TJP1: variants seen among roughly 807,000 people sequenced by gnomAD.
The protein encoded by TJP1 is tight junction protein ZO-1.
TJP1 carries 43 observed loss-of-function variants against 194.2 expected under a neutral mutation model. The observed-to-expected ratio is 0.22, with a 90% CI of 0.17 to 0.29. The LOEUF (loss-of-function observed/expected upper bound fraction) is 0.29. Ranked by LOEUF, TJP1 falls within the 10% of genes least tolerant of loss-of-function variation. The pLI is 1.00. For missense variants in TJP1, 1,971 were observed against 2,185.7 expected (o/e 0.90, Z 1.96); for synonymous variants, 801 against 779.0 (o/e 1.03, Z -0.47).
chr15:29,935,021 A>G (rs979787107), intron 2 of TJP1, among the ~76,000 whole-genome samples: 1 of 152,228 alleles, frequency 6.6e-6, no homozygotes, highest in African/African-American at 2.4e-5. Flanking sequence ...TCTCTCTCAA[A>G]TATCTGGAGA....
At chr15:29,841,628 T>G (rs1170961096) in intron 2 of TJP1, among the ~76,000 whole-genome samples, 2 of 152,082 alleles carry the variant, frequency 1.3e-5, no homozygotes, top group African/African-American at 4.8e-5. Context: ...GTTTCTCAAC[T>G]TGCCAGTCAG....
At chr15:29,962,265 G>A (rs28491369) in intron 1 of TJP1, among the ~76,000 whole-genome samples, 2,485 of 152,188 alleles carry the variant, frequency 0.016, 66 homozygotes, top group African/African-American at 0.057. Flanking sequence ...ATGTTCCCAG[G>A]AAGCCTCAGA....
intron 2 of TJP1, among the ~76,000 whole-genome samples, chr15:29,949,281 CCACCGCCAT>C: frequency 9.4e-6 from 1 of 106,362 alleles, no homozygotes; most frequent in Non-Finnish European, 1.9e-5. Context: ...TCCATCACCT[CCACCGCCAT>C]CACCTCCACC....
rs1381058255 is a variant in TJP1, at chr15:29,855,573, T to C, written c.307-54871A>G. On this transcript the variant is annotated intron_variant, in intron 2 of 28. Coordinates refer to the TJP1 transcript ENST00000356107. ...GAAAGAAAAGATTTATTAACACTTA[T>C]AGCCAGGTGTGGTGGCTCACACCTG... 2.0e-5 allele frequency among the ~76,000 whole-genome samples: 3 copies of C among 152,128 alleles called. No individual in the cohort carries two copies. In the East Asian group the frequency reaches 5.8e-4, roughly 29 times the overall value.
At chr15:29,952,010 C>T (rs2055766922) in intron 2 of TJP1, among the ~76,000 whole-genome samples, 1 of 152,164 alleles carries the variant, frequency 6.6e-6, no homozygotes, top group Non-Finnish European at 1.5e-5. Context: ...ATCACTTAAA[C>T]TTCTTTGACT....
At chr15:29,887,010 C>T (rs1308965131) in intron 2 of TJP1, among the ~76,000 whole-genome samples, 1 of 151,692 alleles carries the variant, frequency 6.6e-6, no homozygotes, top group African/African-American at 2.4e-5. Flanking sequence ...AGCCGTGTGG[C>T]ACAGACAGAA....
intron 8 of TJP1, among the ~76,000 whole-genome samples, chr15:29,757,543 T>G (rs1267080073): frequency 6.6e-6 from 1 of 152,208 alleles, no homozygotes; most frequent in Non-Finnish European, 1.5e-5. Flanking sequence ...TGCTCTAAAT[T>G]AAAACTCCAC....
chr15:29,744,317 A>G lies in TJP1; in HGVS notation c.1011-1536T>C, dbSNP rs570587312. ...ATTTGAAGGCAAAATGGAAATTATC[A>G]AAACAAAAAATGTAACTAGGTCATA... On this transcript the variant is annotated intron_variant, in intron 8 of 27. Transcript: ENST00000614355. Among the ~76,000 whole-genome samples the G allele has an allele frequency of 5.3e-5, 8 of 152,348 alleles. No homozygotes were observed. In the East Asian group the frequency reaches 1.5e-3, roughly 29 times the overall value.
intron 2 of TJP1, among the ~76,000 whole-genome samples, chr15:29,936,166 T>A (rs2054875503): frequency 6.6e-6 from 1 of 152,048 alleles, no homozygotes; most frequent in South Asian, 2.1e-4. Context: ...GTCCCATCCC[T>A]ACAGCACCAG....
chr15:29,806,900 A>T (rs1360060808), intron 1 of TJP1, among the ~76,000 whole-genome samples: 1 of 152,218 alleles, frequency 6.6e-6, no homozygotes, highest in Non-Finnish European at 1.5e-5. Flanking sequence ...AGTAAAAAAG[A>T]TCACTCTAAA....
intron 2 of TJP1, among the ~76,000 whole-genome samples, chr15:29,913,134 A>T (rs1361899828): frequency 1.3e-5 from 2 of 152,114 alleles, no homozygotes; most frequent in Non-Finnish European, 2.9e-5. Context: ...AACTCACAGC[A>T]GGTGTGGAGA....
intron 1 of TJP1, 58 bp downstream of exon 1, chr15:29,821,944 G>A: frequency 7.5e-6 from 9 of 1,206,652 alleles, no homozygotes; most frequent in East Asian, 3.4e-5. Flanking sequence ...GCCAGATGCC[G>A]GTGGGCGGGC....
intron 24 of TJP1, among the ~76,000 whole-genome samples, chr15:29,709,463 A>T (rs1189106943): frequency 6.6e-6 from 1 of 152,262 alleles, no homozygotes; most frequent in Non-Finnish European, 1.5e-5. Context: ...TAAAAAGTGG[A>T]ACCACAGGAT....
chr15:29,754,640 C>T (rs182285338), intron 8 of TJP1, among the ~76,000 whole-genome samples: 5 of 152,190 alleles, frequency 3.3e-5, no homozygotes, highest in South Asian at 2.1e-4. Flanking sequence ...GGCAAAGTTG[C>T]ACAGGTTAAG....
intron 9 of TJP1, 53 bp downstream of exon 9, chr15:29,742,589 T>C: frequency 6.8e-7 from 1 of 1,470,394 alleles, no homozygotes; most frequent in Non-Finnish European, 9.0e-7. Flanking sequence ...TCCTAACAAT[T>C]ACTTCACTCT....
chr15:29,867,281 T>A (rs974180068), intron 2 of TJP1, among the ~76,000 whole-genome samples: 2 of 152,208 alleles, frequency 1.3e-5, no homozygotes, highest in Non-Finnish European at 2.9e-5. Context: ...TGGCACTTTA[T>A]GAGCAAGAAA....
intron 22 of TJP1, among the ~76,000 whole-genome samples, chr15:29,717,490 A>G (rs139469256): frequency 5.3e-5 from 8 of 150,582 alleles, no homozygotes; most frequent in African/African-American, 2.0e-4. Context: ...GAGGAGCAGC[A>G]GGCCAGGTTT....
intron 2 of TJP1, among the ~76,000 whole-genome samples, chr15:29,868,351 A>C (rs796249878): frequency 2.6e-5 from 4 of 152,336 alleles, no homozygotes; most frequent in African/African-American, 9.6e-5. Flanking sequence ...TAAAATACAG[A>C]AACAGGAGCT....
chr15:29,905,859 G>T (rs1158858746), intron 2 of TJP1, among the ~76,000 whole-genome samples: 1 of 152,152 alleles, frequency 6.6e-6, no homozygotes, highest in Non-Finnish European at 1.5e-5. Context: ...GGGTTTCCAG[G>T]GGTGGTATGT....
Sources: allele counts gnomAD v4.1 joint callset (sites outside exome capture counted in the v4.1 genomes callset), GRCh38; gene constraint gnomAD v4.1.1; transcripts MANE v1.5; gene names NCBI Gene and HGNC (gene_info 2026-07-23, HGNC 2026-07-21).